TNIK: variants seen among roughly 807,000 people sequenced by gnomAD.
TNIK encodes the protein TRAF2 and NCK interacting kinase.
Under a neutral mutation model 191.3 loss-of-function variants are expected in TNIK, and 49 were observed. That is an observed-to-expected ratio of 0.26 (90% CI 0.20 to 0.32). The LOEUF is 0.32. Ranked by LOEUF, TNIK falls within the 10% of genes least tolerant of loss-of-function variation. The pLI, the probability that TNIK is intolerant of heterozygous loss-of-function variation, is 1.00. For missense variants in TNIK, 1,155 were observed against 1,702.3 expected (o/e 0.68, Z 5.66); for synonymous variants, 594 against 600.9 (o/e 0.99, Z 0.17).
intron 2 of TNIK, among the ~76,000 whole-genome samples, chr3:171,253,364 G>C (rs1316384008): frequency 6.6e-6 from 1 of 151,920 alleles, no homozygotes; most frequent in African/African-American, 2.4e-5. Context: ...GCCTCAGTGA[G>C]GTGCGAAAGG....
chr3:171,099,768 A>G (rs1336586783), intron 22 of TNIK, among the ~76,000 whole-genome samples: 3 of 152,194 alleles, frequency 2.0e-5, no homozygotes, highest in Non-Finnish European at 4.4e-5. Context: ...TGGTCTATTC[A>G]GGAAATTTTA....
chr3:171,259,549 C>T (rs1376270218), intron 2 of TNIK, among the ~76,000 whole-genome samples: 10 of 152,106 alleles, frequency 6.6e-5, no homozygotes, highest in Admixed American at 3.9e-4. Flanking sequence ...TTCACCCTCA[C>T]GTTGGAAAGA....
intron 2 of TNIK, among the ~76,000 whole-genome samples, chr3:171,268,273 T>G (rs1424022846): frequency 1.3e-5 from 2 of 152,148 alleles, no homozygotes; most frequent in African/African-American, 4.8e-5. Flanking sequence ...TCCTGACAAG[T>G]TGGTTTAGGC....
At position 171,068,894 on chromosome 3, in the gene TNIK, A is replaced by G. The variant is rs376288910; in HGVS notation, c.3653T>C (p.Ile1218Thr). ...IFGSHTGFHV[I>T]DVDSGNSYDI... ...ATAAGAGTTTCCTGAATCAACATCA[A>G]TTACATGGAAACCAGTGTGTGAACC... The change falls in exon 30 of 33, where the codon ATT becomes ACT. Residue 1218 changes from isoleucine to threonine, a missense_variant. Physicochemically the swap from Ile to Thr is moderately conservative, Grantham distance 89 (BLOSUM62 -1). This residue lies in a region of TNIK where 195 missense variants were observed against 415.4 expected (regional missense o/e 0.47). Transcript: ENST00000436636. 7 of 1,613,730 alleles carry G rather than the reference A, an allele frequency of 4.3e-6. No homozygotes were observed. Among genetic ancestry groups the G allele is most frequent in the East Asian group, 2.2e-5 (1 of 44,874 alleles).
intron 12 of TNIK, 100 bp from the exon 13 acceptor site, chr3:171,140,609 T>A (rs1730685891): frequency 1.9e-6 from 2 of 1,067,116 alleles, no homozygotes; most frequent in Admixed American, 1.8e-5. Flanking sequence ...CATGAACTTT[T>A]AATGAGATAT....
intron 1 of TNIK, among the ~76,000 whole-genome samples, chr3:171,419,206 T>G (rs1212586791): frequency 2.0e-5 from 3 of 152,166 alleles, no homozygotes; most frequent in Admixed American, 2.0e-4. Context: ...TGTAACAACG[T>G]GGACAAAACC....
At chr3:171,296,931 G>A (rs1054079246) in intron 2 of TNIK, among the ~76,000 whole-genome samples, 3 of 151,992 alleles carry the variant, frequency 2.0e-5, no homozygotes, top group African/African-American at 4.8e-5. Context: ...TTTAGATTTC[G>A]CTGTTCTCAT....
chr3:171,096,994 G>A (rs1173080097), intron 22 of TNIK, among the ~76,000 whole-genome samples: 4 of 152,174 alleles, frequency 2.6e-5, no homozygotes, highest in Non-Finnish European at 5.9e-5. Context: ...ACAATTTTAT[G>A]AAGTTGGGTT....
At chr3:171,143,441 C>A (rs1046010727) in intron 12 of TNIK, among the ~76,000 whole-genome samples, 4 of 152,226 alleles carry the variant, frequency 2.6e-5, no homozygotes, top group Non-Finnish European at 5.9e-5. Flanking sequence ...TTGATTTCTG[C>A]TGTACCCCAA....
At chr3:171,142,241 G>A (rs149717660) in intron 12 of TNIK, among the ~76,000 whole-genome samples, 1 of 152,270 alleles carries the variant, frequency 6.6e-6, no homozygotes, top group East Asian at 1.9e-4. Context: ...TTTTCAAAAG[G>A]CCTCCCCATC....
At chr3:171,327,900 TAAAAAAAAAAAAA>T (rs71634497) in intron 2 of TNIK, among the ~76,000 whole-genome samples, 37 of 79,624 alleles carry the variant, frequency 4.6e-4, no homozygotes, top group Admixed American at 5.0e-4. Flanking sequence ...ACCTGGCTCA[TAAAAAAAAAAAAA>T]AAAAAAAAAA....
At chr3:171,094,563 T>C (rs1722479354) in intron 22 of TNIK, among the ~76,000 whole-genome samples, 1 of 152,182 alleles carries the variant, frequency 6.6e-6, no homozygotes, top group Non-Finnish European at 1.5e-5. Flanking sequence ...GAAAAAACAC[T>C]GAAGTTGGCA....
chr3:171,121,420 G>A (rs557260356), intron 18 of TNIK, among the ~76,000 whole-genome samples: 1 of 152,318 alleles, frequency 6.6e-6, no homozygotes, highest in South Asian at 2.1e-4. Context: ...TGGCTAATGG[G>A]TTATCAGCAA....
At chr3:171,165,099 G>A (rs1291930944) in intron 10 of TNIK, among the ~76,000 whole-genome samples, 1 of 152,022 alleles carries the variant, frequency 6.6e-6, no homozygotes, top group Admixed American at 6.6e-5. Flanking sequence ...ACCAGCCTGG[G>A]CAACATAGTG....
chr3:171,233,465 A>T (rs1459833701), intron 2 of TNIK, among the ~76,000 whole-genome samples: 5 of 151,872 alleles, frequency 3.3e-5, no homozygotes, highest in Non-Finnish European at 5.9e-5. Context: ...TCTATCTATC[A>T]TCTGTGTATC....
chr3:171,090,641 G>C (rs930958024), intron 23 of TNIK, among the ~76,000 whole-genome samples: 2 of 152,114 alleles, frequency 1.3e-5, no homozygotes, highest in Non-Finnish European at 2.9e-5. Context: ...CCTTCTTTTG[G>C]TGAAGTGTGG....
At chr3:171,194,081 T>C (rs1249148284) in intron 5 of TNIK, among the ~76,000 whole-genome samples, 3 of 152,186 alleles carry the variant, frequency 2.0e-5, no homozygotes. Flanking sequence ...TTATAAACTT[T>C]ATATGGTGGG....
At chr3:171,095,284 A>G (rs1424413211) in intron 22 of TNIK, among the ~76,000 whole-genome samples, 1 of 152,190 alleles carries the variant, frequency 6.6e-6, no homozygotes. Flanking sequence ...TCACTCTATC[A>G]GGAGTGCCTC....
At chr3:171,127,432 T>TA (rs529237218) in intron 16 of TNIK, among the ~76,000 whole-genome samples, 35 of 151,054 alleles carry the variant, frequency 2.3e-4, no homozygotes, top group African/African-American at 7.8e-4. Context: ...AGCCAAAAAA[T>TA]AAAAAAATAA....
Sources: allele counts gnomAD v4.1 joint callset (sites outside exome capture counted in the v4.1 genomes callset), GRCh38; gene constraint gnomAD v4.1.1; regional missense constraint gnomAD v4.1.1; transcripts MANE v1.5; gene names NCBI Gene and HGNC (gene_info 2026-07-23, HGNC 2026-07-21).